SGCZ: variants seen among roughly 807,000 people sequenced by gnomAD.
The protein encoded by SGCZ is sarcoglycan zeta.
SGCZ carries 40 observed loss-of-function variants against 41.3 expected under a neutral mutation model. The ratio of observed to expected loss-of-function variants is 0.97; its 90% confidence interval spans 0.75 to 1.26. The LOEUF (loss-of-function observed/expected upper bound fraction) is 1.26, where lower values mean the gene tolerates loss of function less well. Ranked by LOEUF, SGCZ falls within the 50% of genes most tolerant of loss-of-function variation. The pLI is 0.00. For missense variants in SGCZ, 552 were observed against 369.8 expected, an observed-to-expected ratio of 1.49 and a Z score of -4.04; for synonymous variants, 206 against 137.5, an observed-to-expected ratio of 1.50 and a Z score of -3.49.
At chr8:15,149,815 C>T (rs1052121703) in intron 1 of SGCZ, among the ~76,000 whole-genome samples, 1 of 149,618 alleles carries the variant, frequency 6.7e-6, no homozygotes, top group African/African-American at 2.5e-5. Flanking sequence ...TAAAAATACA[C>T]ACTAATAACC....
At chr8:14,245,353 C>T (rs2117190618) in intron 3 of SGCZ, among the ~76,000 whole-genome samples, 1 of 152,222 alleles carries the variant, frequency 6.6e-6, no homozygotes, top group South Asian at 2.1e-4. Flanking sequence ...GAAAGGATTC[C>T]CTATTTAATA....
At chr8:14,850,273 TG>T (rs1803268381) in intron 1 of SGCZ, among the ~76,000 whole-genome samples, 1 of 152,186 alleles carries the variant, frequency 6.6e-6, no homozygotes, top group African/African-American at 2.4e-5. Context: ...TGCACTGTGC[TG>T]GGCCGTGAAG....
intron 1 of SGCZ, among the ~76,000 whole-genome samples, chr8:14,994,304 C>A (rs1425187177): frequency 6.6e-6 from 1 of 152,014 alleles, no homozygotes; most frequent in Non-Finnish European, 1.5e-5. Context: ...CATGAGGGGG[C>A]TGGGCATGGT....
chr8:14,432,235 T>A (rs1799963292), intron 2 of SGCZ, among the ~76,000 whole-genome samples: 1 of 152,124 alleles, frequency 6.6e-6, no homozygotes, highest in Non-Finnish European at 1.5e-5. Context: ...CACAGAGATG[T>A]TTATAGTAGC....
intron 2 of SGCZ, among the ~76,000 whole-genome samples, chr8:14,388,704 G>C (rs923833727): frequency 2.6e-5 from 4 of 151,860 alleles, no homozygotes; most frequent in African/African-American, 9.7e-5. Flanking sequence ...AATCCTTGAA[G>C]ATGAACAAGC....
intron 6 of SGCZ, among the ~76,000 whole-genome samples, chr8:14,107,549 C>A (rs1802244936): frequency 6.6e-6 from 1 of 152,156 alleles, no homozygotes; most frequent in African/African-American, 2.4e-5. Context: ...TTCTCAGCGC[C>A]CTATTTGCCC....
chr8:14,680,963 G>GAAAAAAAAAAAAAA (rs374278969), intron 1 of SGCZ, among the ~76,000 whole-genome samples: 18 of 106,184 alleles, frequency 1.7e-4, no homozygotes, highest in African/African-American at 6.5e-4. Context: ...AAAAAGAGTG[G>GAAAAAAAAAAAAAA]GAAAAAAAAA....
At chr8:14,751,041 A>G (rs552108659) in intron 1 of SGCZ, among the ~76,000 whole-genome samples, 1 of 152,372 alleles carries the variant, frequency 6.6e-6, no homozygotes, top group Admixed American at 6.5e-5. Flanking sequence ...TATTGCTATC[A>G]TATGTACAAC....
intron 2 of SGCZ, among the ~76,000 whole-genome samples, chr8:14,440,515 A>T (rs906901473): frequency 1.4e-5 from 2 of 144,864 alleles, no homozygotes. Context: ...TTAGGTTTTT[A>T]TTTTATTTTA....
chr8:14,308,030 C>T (rs764943129), intron 3 of SGCZ, among the ~76,000 whole-genome samples: 25 of 152,012 alleles, frequency 1.6e-4, no homozygotes, highest in Non-Finnish European at 3.1e-4. Flanking sequence ...AAAGAACTTT[C>T]ATACGATTCG....
chr8:15,103,274 G>A (rs1806687140), intron 1 of SGCZ, among the ~76,000 whole-genome samples: 1 of 152,082 alleles, frequency 6.6e-6, no homozygotes. Context: ...GATGGCGCAT[G>A]CCTGTATACC....
intron 1 of SGCZ, among the ~76,000 whole-genome samples, chr8:14,975,230 C>T (rs544731952): frequency 6.6e-5 from 10 of 152,218 alleles, no homozygotes; most frequent in Non-Finnish European, 1.3e-4. Context: ...CATTTGAACC[C>T]GGGAGGCAGA....
chr8:15,054,879 G>A (rs554639186), intron 1 of SGCZ, among the ~76,000 whole-genome samples: 106 of 151,322 alleles, frequency 7.0e-4, no homozygotes, highest in African/African-American at 2.2e-3. Context: ...GGAGAATGGC[G>A]TGAACCTAGG....
intron 1 of SGCZ, among the ~76,000 whole-genome samples, chr8:14,709,526 G>C (rs545337838): frequency 3.9e-5 from 6 of 152,252 alleles, no homozygotes; most frequent in African/African-American, 1.4e-4. Context: ...CAATTGTGCA[G>C]AATTCAGTCA....
chr8:14,203,206 A>G (rs1403513743), intron 4 of SGCZ, among the ~76,000 whole-genome samples: 1 of 152,188 alleles, frequency 6.6e-6, no homozygotes, highest in Non-Finnish European at 1.5e-5. Context: ...ACTAATACAG[A>G]TATATTTAGG....
intron 1 of SGCZ, among the ~76,000 whole-genome samples, chr8:15,023,987 G>A (rs1286775455): frequency 6.6e-6 from 1 of 152,174 alleles, no homozygotes; most frequent in Non-Finnish European, 1.5e-5. Context: ...ACCAGGATAA[G>A]TGATATTTAA....
intron 1 of SGCZ, among the ~76,000 whole-genome samples, chr8:14,616,972 A>T (rs930269257): frequency 6.6e-6 from 1 of 152,048 alleles, no homozygotes; most frequent in Non-Finnish European, 1.5e-5. Flanking sequence ...TTCTTTTCTG[A>T]GTTTTCACAT....
At chr8:14,615,199 G>T (rs1193895815) in intron 1 of SGCZ, among the ~76,000 whole-genome samples, 1 of 152,164 alleles carries the variant, frequency 6.6e-6, no homozygotes, top group Non-Finnish European at 1.5e-5. Context: ...CCCTTAACCT[G>T]TTGACTCTGT....
At chr8:14,572,297 C>T (rs972247511) in intron 1 of SGCZ, among the ~76,000 whole-genome samples, 4 of 151,988 alleles carry the variant, frequency 2.6e-5, no homozygotes, top group Non-Finnish European at 4.4e-5. Flanking sequence ...TTATTCATAT[C>T]GCCAATAATT....
Sources: gnomAD v4.1 joint callset for allele counts (sites outside exome capture counted in the v4.1 genomes callset) on GRCh38, gnomAD v4.1.1 for gene constraint, MANE v1.5 for transcripts, NCBI Gene and HGNC (gene_info 2026-07-23, HGNC 2026-07-21) for gene names.